Variants in CHSY1 observed in about 807,000 individuals in gnomAD.
CHSY1 encodes chondroitin sulfate synthase 1, also known as N-acetylgalactosaminyl-proteoglycan 3-beta-glucuronosyltransferase 1.
A neutral mutation model predicts 59.8 loss-of-function variants in CHSY1; 13 were observed. That is an observed-to-expected ratio of 0.22 (90% CI 0.14 to 0.35). The LOEUF (loss-of-function observed/expected upper bound fraction) is 0.35. Among genes scored for constraint, CHSY1 ranks in the 10% least tolerant of loss-of-function variants. CHSY1 has a pLI of 1.00. For synonymous variants in CHSY1, 459 were observed against 401.2 expected (o/e 1.14, Z -1.72); for missense variants, 947 against 1,030.6 (o/e 0.92, Z 1.11).
intron 1 of CHSY1, among the ~76,000 whole-genome samples, chr15:101,250,858 T>G (rs947971944): frequency 2.0e-5 from 3 of 152,168 alleles, no homozygotes; most frequent in Admixed American, 1.3e-4. Context: ...AGCTTCGATT[T>G]GCAAAGGCTA....
chr15:101,242,013 T>C (rs1037377225), intron 1 of CHSY1, among the ~76,000 whole-genome samples: 2 of 152,252 alleles, frequency 1.3e-5, no homozygotes, highest in Non-Finnish European at 1.5e-5. Context: ...ATAGTCGTTA[T>C]ACTATATTGT....
At chr15:101,180,113 A>G (rs569016912) in intron 2 of CHSY1, among the ~76,000 whole-genome samples, 1 of 152,190 alleles carries the variant, frequency 6.6e-6, no homozygotes, top group South Asian at 2.1e-4. Context: ...TCATATGCTG[A>G]CTCTTTCCTG....
intron 2 of CHSY1, among the ~76,000 whole-genome samples, chr15:101,204,097 G>A (rs1490307261): frequency 6.6e-6 from 1 of 152,098 alleles, no homozygotes. Flanking sequence ...TGATTTAAGG[G>A]CAAAAAGAGC....
intron 2 of CHSY1, among the ~76,000 whole-genome samples, chr15:101,220,695 TA>T (rs1286907190): frequency 6.6e-6 from 1 of 152,224 alleles, no homozygotes; most frequent in Non-Finnish European, 1.5e-5. Context: ...TCACTGACTG[TA>T]ACCCTCAATG....
rs2038931930 is a variant in CHSY1, at chr15:101,235,451, G to A, written c.447C>T (p.Ser149=). Residue 149 remains serine, a synonymous_variant, in exon 2 of 3, where the codon TCC becomes TCT. Transcript: ENST00000254190. ...CGTGCATGTACTTGAGCATCATGAA[G>A]GACTTCTTCTGGGGCGGGTAGGAGT... The part of the protein sequence containing the change: ...VDDSYPPQKK[S]FMMLKYMHDH... 6.2e-7 allele frequency: 1 copy of A among 1,614,162 alleles called. No individual in the cohort carries two copies. Among genetic ancestry groups the A allele is most frequent in the Admixed American group, 1.7e-5 (1 of 60,020 alleles).
chr15:101,238,116 A>G (rs778638807), intron 1 of CHSY1, among the ~76,000 whole-genome samples: 2 of 152,184 alleles, frequency 1.3e-5, no homozygotes, highest in Non-Finnish European at 2.9e-5. Flanking sequence ...ATTGAAGGAC[A>G]ACTGCATAAG....
chr15:101,251,352 C>T lies in CHSY1; in HGVS notation c.105G>A (p.Lys35=), dbSNP rs1479526688. The T allele has an allele frequency of 3.5e-6, 4 of 1,155,428 alleles. No homozygotes were observed. The highest frequency in any genetic ancestry group is 1.7e-5 in the South Asian group (1 of 57,294). The allele number at this position is 1,155,428 out of a possible 1,614,324, so 71.6% of individuals were successfully genotyped here. ...TGGCGCGGCGCCGTGGGCCCGCTCG[C>T]TTCAGCTCGGAAGCCCGGGGCAGGA... ...RLVLPRASEL[K]RAGPRRRASP... The change falls in exon 1 of 3, where the codon AAG becomes AAA. Residue 35 remains lysine, a synonymous_variant. Transcript: ENST00000254190.
intron 2 of CHSY1, among the ~76,000 whole-genome samples, chr15:101,179,714 G>T (rs1171564702): frequency 6.6e-6 from 1 of 152,230 alleles, no homozygotes. Context: ...TTGGTGCCTG[G>T]GGGATCAGAA....
intron 1 of CHSY1, among the ~76,000 whole-genome samples, chr15:101,249,966 AC>A (rs1392672317): frequency 3.3e-5 from 5 of 152,198 alleles, no homozygotes; most frequent in Admixed American, 1.3e-4. Flanking sequence ...GTCACTGAAG[AC>A]CACTTTCACC....
rs1596417956 is a variant in CHSY1 at position 101,177,534 on chromosome 15, G to A, written c.2263C>T (p.Leu755Phe). ...VHHPVFCDPN[L>F]DPKQYKMCLG... ...CACATTTTGTACTGTTTGGGGTCAAGATTGGGATCACAAAAGACAGGATGG... is the reference window on the plus strand; with the variant it reads ...CACATTTTGTACTGTTTGGGGTCAAAATTGGGATCACAAAAGACAGGATGG... Residue 755 changes from leucine (L) to phenylalanine (F), a missense_variant, in exon 3 of 3, where the codon CTT (leucine) becomes TTT (phenylalanine). By Grantham distance (22) the Leu-to-Phe change is conservative. This residue lies in a region of CHSY1 where 602 missense variants were observed against 676.9 expected (regional missense o/e 0.89). Transcript: ENST00000254190. 2 of 1,613,726 alleles carry A rather than the reference G, an allele frequency of 1.2e-6. No homozygotes were observed. Among genetic ancestry groups the A allele is most frequent in the East Asian group, 4.5e-5 (2 of 44,878 alleles).
At chr15:101,210,133 T>C (rs1258912512) in intron 2 of CHSY1, among the ~76,000 whole-genome samples, 1 of 152,216 alleles carries the variant, frequency 6.6e-6, no homozygotes, top group Admixed American at 6.5e-5. Flanking sequence ...ACAAGATCTG[T>C]AACCTTGGAA....
At chr15:101,211,843 G>A (rs1202939939) in intron 2 of CHSY1, among the ~76,000 whole-genome samples, 1 of 151,250 alleles carries the variant, frequency 6.6e-6, no homozygotes, top group South Asian at 2.1e-4. Flanking sequence ...TCTTCCAAGC[G>A]CTCAAGAATA....
At chr15:101,204,736 T>G (rs986638889) in intron 2 of CHSY1, among the ~76,000 whole-genome samples, 4 of 151,622 alleles carry the variant, frequency 2.6e-5, no homozygotes, top group Non-Finnish European at 5.9e-5. Context: ...AAACCCCATT[T>G]CTACTAAAAC....
intron 1 of CHSY1, among the ~76,000 whole-genome samples, chr15:101,240,663 G>A (rs1006259722): frequency 3.3e-5 from 5 of 152,188 alleles, no homozygotes; most frequent in Admixed American, 2.6e-4. Flanking sequence ...GCTTAGCTAA[G>A]GAATGCCTTT....
intron 2 of CHSY1, among the ~76,000 whole-genome samples, chr15:101,202,003 T>C (rs2038579008): frequency 6.6e-6 from 1 of 152,210 alleles, no homozygotes; most frequent in Admixed American, 6.5e-5. Context: ...GGGGCTAAAT[T>C]ATGGGACAGA....
chr15:101,230,124 T>C (rs2038878763), intron 2 of CHSY1, among the ~76,000 whole-genome samples: 1 of 151,956 alleles, frequency 6.6e-6, no homozygotes, highest in Non-Finnish European at 1.5e-5. Flanking sequence ...GTATTTTTAG[T>C]AGAGACGAGG....
rs937732657 is a variant in CHSY1, at chr15:101,220,357, G to T, written c.816+14725C>A. Among the ~76,000 whole-genome samples the T allele has an allele frequency of 6.6e-5, 10 of 152,182 alleles. No homozygotes were observed. In the East Asian group the frequency reaches 1.9e-3, roughly 29 times the overall value. ...TAAATACCATCAATATGCTGCAGATGGTATTTGTATATCAAGCCTGAACTT... is the reference window on the plus strand; with the variant it reads ...TAAATACCATCAATATGCTGCAGATTGTATTTGTATATCAAGCCTGAACTT... On this transcript the variant is annotated intron_variant, in intron 2 of 2. Transcript: ENST00000254190.
At chr15:101,209,650 G>A (rs1357828327) in intron 2 of CHSY1, among the ~76,000 whole-genome samples, 1 of 152,162 alleles carries the variant, frequency 6.6e-6, no homozygotes, top group Non-Finnish European at 1.5e-5. Flanking sequence ...ATGTTTGCAT[G>A]AAGTCAGCAG....
intron 1 of CHSY1, among the ~76,000 whole-genome samples, chr15:101,248,889 C>A (rs576218893): frequency 1.3e-5 from 2 of 152,012 alleles, no homozygotes; most frequent in African/African-American, 4.8e-5. Context: ...TGGGTTTACG[C>A]CATTCTCCTG....
Sources: allele counts gnomAD v4.1 joint callset (sites outside exome capture counted in the v4.1 genomes callset), GRCh38; gene constraint gnomAD v4.1.1; regional missense constraint gnomAD v4.1.1; transcripts MANE v1.5; gene names NCBI Gene and HGNC (gene_info 2026-07-23, HGNC 2026-07-21).